INPP4B: variants seen among roughly 807,000 people sequenced by gnomAD.
INPP4B encodes the protein inositol polyphosphate-4-phosphatase type II B, also known as inositol polyphosphate 4-phosphatase type II.
In INPP4B, 55 loss-of-function variants were observed where a neutral mutation model predicts 122.5. The ratio of observed to expected loss-of-function variants is 0.45; its 90% CI spans 0.36 to 0.56. INPP4B has a LOEUF of 0.56. Ranked by LOEUF, INPP4B falls within the 20% of genes least tolerant of loss-of-function variation. The pLI is 0.00. For missense variants in INPP4B, 1,000 were observed against 1,097.7 expected (o/e 0.91, Z 1.26); for synonymous variants, 403 against 388.7 (o/e 1.04, Z -0.43).
At chr4:142,159,750 C>T (rs961438874) in intron 17 of INPP4B, among the ~76,000 whole-genome samples, 7 of 152,034 alleles carry the variant, frequency 4.6e-5, no homozygotes, top group African/African-American at 1.4e-4. Flanking sequence ...CCATCATATT[C>T]GGCCCAACTA....
chr4:142,268,308 G>A (rs1478648019), intron 10 of INPP4B, among the ~76,000 whole-genome samples: 1 of 10,370 alleles, frequency 9.6e-5, no homozygotes, highest in Non-Finnish European at 5.2e-4. Context: ...GGGTGACAGA[G>A]CAAGACTCCG....
chr4:142,578,188 G>A (rs1326895921), intron 2 of INPP4B, among the ~76,000 whole-genome samples: 1 of 152,010 alleles, frequency 6.6e-6, no homozygotes, highest in Non-Finnish European at 1.5e-5. Context: ...ATCAGGCTGA[G>A]ATTGGCTGAT....
rs556732549 is a variant in INPP4B, at chr4:142,630,121, C to T, written c.-191+95718G>A. ...AACGCGATCAGTAGTTCTGTTCCCGCCATGATGAAAAAGCTTGTCCAAAGT... is the reference window on the plus strand; with the variant it reads ...AACGCGATCAGTAGTTCTGTTCCCGTCATGATGAAAAAGCTTGTCCAAAGT... On this transcript the variant is annotated intron_variant, in intron 2 of 25. Coordinates refer to ENST00000262992, the MANE Select transcript of INPP4B (RefSeq NM_001101669.3). Among the ~76,000 whole-genome samples the T allele has an allele frequency of 1.1e-4, 17 of 152,180 alleles. No individual in the cohort carries two copies. In the South Asian group the frequency reaches 3.5e-3, roughly 31 times the overall value.
chr4:142,298,341 G>A (rs1759730372), intron 9 of INPP4B, among the ~76,000 whole-genome samples: 1 of 151,958 alleles, frequency 6.6e-6, no homozygotes. Context: ...TCATGAAAGG[G>A]GTCCAAGAAG....
chr4:142,777,884 C>A (rs1453723059), intron 1 of INPP4B, among the ~76,000 whole-genome samples: 1 of 151,854 alleles, frequency 6.6e-6, no homozygotes, highest in African/African-American at 2.4e-5. Flanking sequence ...CACAGCCTAC[C>A]AGCAGGATTG....
intron 1 of INPP4B, among the ~76,000 whole-genome samples, chr4:142,734,888 G>T (rs929111216): frequency 8.5e-5 from 13 of 152,094 alleles, no homozygotes; most frequent in African/African-American, 3.1e-4. Context: ...CAGATGATCT[G>T]CCTGCCTCAG....
At position 142,120,985 on chromosome 4, in the gene INPP4B, C is replaced by T. The variant is rs180936697; in HGVS notation, c.2135+1143G>A. 1.3e-3 allele frequency among the ~76,000 whole-genome samples: 205 copies of T among 152,182 alleles called. 3 individuals carry two copies. The South Asian group carries it at 0.028, about 21-fold the overall frequency. ...GCATGATCACTTTTGAGTTTCAATACTGTTTGAAGAACTTCCTCAGAAAAA... is the reference window on the plus strand; with the variant it reads ...GCATGATCACTTTTGAGTTTCAATATTGTTTGAAGAACTTCCTCAGAAAAA... On this transcript the variant is annotated intron_variant, in intron 21 of 25. Transcript: ENST00000262992.
At chr4:142,055,459 T>A (rs2645794) in intron 25 of INPP4B, among the ~76,000 whole-genome samples, 123,711 of 151,956 alleles carry the variant, frequency 0.81, 52,503 homozygotes, top group Non-Finnish European at 0.92. Flanking sequence ...TAGGGAAGTT[T>A]TTTCCTATTG....
chr4:142,495,495 G>A (rs977368516), intron 2 of INPP4B, among the ~76,000 whole-genome samples: 1 of 151,904 alleles, frequency 6.6e-6, no homozygotes. Context: ...TAGTAAAATA[G>A]TGAGTTGATA....
chr4:142,062,850 A>C (rs959105908), intron 25 of INPP4B, among the ~76,000 whole-genome samples: 2 of 152,204 alleles, frequency 1.3e-5, no homozygotes. Context: ...TCTGGACCAG[A>C]AGATACCTAG....
chr4:142,735,153 C>T (rs773651399), intron 1 of INPP4B, among the ~76,000 whole-genome samples: 3 of 152,082 alleles, frequency 2.0e-5, no homozygotes, highest in Non-Finnish European at 2.9e-5. Context: ...TTTATTTAAT[C>T]ACTTTTATGT....
intron 25 of INPP4B, among the ~76,000 whole-genome samples, chr4:142,049,517 TG>T (rs1429642387): frequency 1.3e-5 from 2 of 152,066 alleles, no homozygotes; most frequent in East Asian, 3.9e-4. Flanking sequence ...CAAATAAGGT[TG>T]TTTTTTACAT....
intron 2 of INPP4B, among the ~76,000 whole-genome samples, chr4:142,588,627 A>T (rs10014849): frequency 0.014 from 2,127 of 151,098 alleles, 40 homozygotes; most frequent in African/African-American, 0.041. Context: ...AAGAATAAAT[A>T]TAACAAAATA....
intron 7 of INPP4B, among the ~76,000 whole-genome samples, chr4:142,326,612 T>C (rs1450035836): frequency 1.3e-5 from 2 of 152,156 alleles, no homozygotes; most frequent in Non-Finnish European, 2.9e-5. Flanking sequence ...CAAAAATAAT[T>C]GTACCATCAT....
In INPP4B at chr4:142,121,460, C is replaced by T. The variant is rs143478991; in HGVS notation, c.2135+668G>A. On this transcript the variant is annotated intron_variant, in intron 21 of 25. Transcript: ENST00000262992. ...GTTTCAAATTTTAAATATCCTCATG[C>T]AGCAATTAAAAGCACTAACACCGGA... is the stretch of plus-strand genomic sequence containing the variant. 4.7e-3 allele frequency among the ~76,000 whole-genome samples: 715 copies of T among 152,138 alleles called. 29 individuals carry two copies. Among genetic ancestry groups the T allele is most frequent in the Admixed American group, 0.042 (646 of 15,264 alleles).
At chr4:142,537,106 T>C (rs892916399) in intron 2 of INPP4B, among the ~76,000 whole-genome samples, 1 of 152,054 alleles carries the variant, frequency 6.6e-6, no homozygotes, top group East Asian at 1.9e-4. Flanking sequence ...GGACAACTGT[T>C]CTTAACAGGA....
chr4:142,038,103 T>G (rs551171401), intron 25 of INPP4B, among the ~76,000 whole-genome samples: 2 of 152,282 alleles, frequency 1.3e-5, no homozygotes, highest in Non-Finnish European at 2.9e-5. Flanking sequence ...CTCGAAATAC[T>G]CTAGATAATT....
rs181969095 is a variant in INPP4B at position 142,277,797 on chromosome 4, G to T, written c.504-7023C>A. Among the ~76,000 whole-genome samples the T allele has an allele frequency of 4.5e-3, 686 of 151,850 alleles. 9 individuals are homozygous for T. Among genetic ancestry groups the T allele is most frequent in the Non-Finnish European group, 7.4e-3 (503 of 67,864 alleles). On this transcript the variant is annotated intron_variant, in intron 9 of 25. Transcript: ENST00000262992. ...ATTGGAGACCATTATTCTAAGTGAAGTAACTCAGGAATGGAAAACCAAACA... is the reference window on the plus strand; with the variant it reads ...ATTGGAGACCATTATTCTAAGTGAATTAACTCAGGAATGGAAAACCAAACA...
At chr4:142,704,620 T>C (rs1000826615) in intron 2 of INPP4B, among the ~76,000 whole-genome samples, 1 of 152,240 alleles carries the variant, frequency 6.6e-6, no homozygotes, top group Non-Finnish European at 1.5e-5. Flanking sequence ...CAATGCTCTG[T>C]ACGATATCCT....
Sources: allele counts gnomAD v4.1 joint callset (sites outside exome capture counted in the v4.1 genomes callset), GRCh38; gene constraint gnomAD v4.1.1; transcripts MANE v1.5; gene names NCBI Gene and HGNC (gene_info 2026-07-23, HGNC 2026-07-21).